The following CDKN2B-AS1 variants were observed in gnomAD, a reference collection of about 807,000 sequenced individuals.
CDKN2B-AS1 encodes CDKN2B and CDKN2A antisense cis and trans regulatory RNA 1.
intron 1 of CDKN2B-AS1, chr9:22,029,512 A>T (rs1400036984): frequency 1.3e-6 from 1 of 779,580 alleles, no homozygotes; most frequent in Non-Finnish European, 2.4e-6. Context: ...AGCTCCTCTC[A>T]TCTGATCTCC....
chr9:22,124,709 A>G (rs1380452489), intron 4 of CDKN2B-AS1, among the ~76,000 whole-genome samples: 1 of 152,204 alleles, frequency 6.6e-6, no homozygotes, highest in Admixed American at 6.5e-5. Context: ...GCTACTTGGG[A>G]ACAGCGTGGA....
At chr9:22,012,209 C>T in intron 1 of CDKN2B-AS1, 4 of 1,403,346 alleles carry the variant, frequency 2.9e-6, no homozygotes, top group Non-Finnish European at 4.0e-6. Flanking sequence ...TGAGGTCGAG[C>T]CCAGTGACAC....
intron 3 of CDKN2B-AS1, among the ~76,000 whole-genome samples, chr9:22,056,022 T>C (rs1220785869): frequency 6.6e-6 from 1 of 151,214 alleles, no homozygotes; most frequent in African/African-American, 2.4e-5. Flanking sequence ...TCTTGATGGG[T>C]CTTGAAGGTT....
chr9:22,081,007 C>T (rs371308145), intron 4 of CDKN2B-AS1, among the ~76,000 whole-genome samples: 3 of 152,126 alleles, frequency 2.0e-5, no homozygotes, highest in African/African-American at 4.8e-5. Context: ...ATCTCCACTC[C>T]GACTACCTAG....
intron 1 of CDKN2B-AS1, among the ~76,000 whole-genome samples, chr9:22,026,568 A>C (rs1006608975): frequency 2.0e-5 from 3 of 152,174 alleles, no homozygotes; most frequent in Non-Finnish European, 2.9e-5. Flanking sequence ...CTGGAATTCC[A>C]AGCCAGTGGG....
At chr9:22,044,864 C>T (rs1212872105) in intron 1 of CDKN2B-AS1, among the ~76,000 whole-genome samples, 1 of 152,002 alleles carries the variant, frequency 6.6e-6, no homozygotes, top group African/African-American at 2.4e-5. Context: ...ATATGTTTCA[C>T]TAGGATGCTG....
rs554336812 is a variant in CDKN2B-AS1, at chr9:22,009,832, T to G, written n.29+14671T>G. Among the ~76,000 whole-genome samples the G allele has an allele frequency of 1.4e-4, 21 of 152,356 alleles. No individual in the cohort carries two copies. The East Asian group carries it at 3.9e-3, about 28-fold the overall frequency. On this transcript the variant is annotated intron_variant and non_coding_transcript_variant, in intron 1 of 4. Transcript: ENST00000650946. Reference sequence around the variant, plus strand: ...CAATTTTCTCTTGGATGTGTCTTTCTGTTTGAATTAGTCAACCATAAAAAT... The same window carrying G: ...CAATTTTCTCTTGGATGTGTCTTTCGGTTTGAATTAGTCAACCATAAAAAT...
intron 4 of CDKN2B-AS1, among the ~76,000 whole-genome samples, chr9:22,108,778 G>A (rs1825726960): frequency 6.6e-6 from 1 of 152,058 alleles, no homozygotes; most frequent in Admixed American, 6.6e-5. Flanking sequence ...TAACTGATGA[G>A]GTCATACTTT....
At chr9:22,117,421 C>T (rs920965530) in intron 4 of CDKN2B-AS1, among the ~76,000 whole-genome samples, 1 of 152,054 alleles carries the variant, frequency 6.6e-6, no homozygotes, top group Non-Finnish European at 1.5e-5. Flanking sequence ...GGAATCTTAA[C>T]CTGAAATTGA....
intron 4 of CDKN2B-AS1, among the ~76,000 whole-genome samples, chr9:22,104,807 A>G (rs1373760746): frequency 6.6e-6 from 1 of 152,236 alleles, no homozygotes; most frequent in Non-Finnish European, 1.5e-5. Context: ...GAGAAAATGG[A>G]AGAATAAATA....
chr9:22,118,968 G>A (rs1283240796), intron 4 of CDKN2B-AS1: 1 of 152,202 alleles, frequency 6.6e-6, no homozygotes, highest in South Asian at 2.1e-4. Flanking sequence ...TCTGACCATT[G>A]TACTTAGGCA....
chr9:22,092,589 A>T (rs1000962526), intron 4 of CDKN2B-AS1: 5 of 152,198 alleles, frequency 3.3e-5, no homozygotes, highest in Non-Finnish European at 7.3e-5. Context: ...CATTTCTTCT[A>T]GATTTTCTAG....
chr9:22,005,350 T>C lies in CDKN2B-AS1; in HGVS notation n.29+10189T>C, dbSNP rs1821119397. ...TGCACATCCTCTCTTACCCCTCTGCTATCTGGTGGAGTTGGGCGAGGGTCT... is the reference window on the plus strand; with the variant it reads ...TGCACATCCTCTCTTACCCCTCTGCCATCTGGTGGAGTTGGGCGAGGGTCT... On this transcript the variant is annotated intron_variant and non_coding_transcript_variant, in intron 1 of 4. Coordinates refer to ENST00000650946, the Ensembl canonical transcript of CDKN2B-AS1. This position sits in a 1 kb window ranked among gnomAD's most constrained non-coding sequence, Gnocchi z 4.9. 1 of 242,518 alleles carries C rather than the reference T, an allele frequency of 4.1e-6. No homozygotes were observed. Among genetic ancestry groups the C allele is most frequent in the Non-Finnish European group, 8.1e-6 (1 of 123,564 alleles). The allele number at this position is 242,518 out of a possible 1,614,324, so 15.0% of individuals were successfully genotyped here.
At chr9:22,090,373 T>C (rs1825035367) in intron 4 of CDKN2B-AS1, among the ~76,000 whole-genome samples, 1 of 152,190 alleles carries the variant, frequency 6.6e-6, no homozygotes, top group Admixed American at 6.5e-5. Context: ...AAATGGTATT[T>C]CTAGTTCTAG....
At chr9:22,125,268 G>C (rs981796779) in intron 4 of CDKN2B-AS1, among the ~76,000 whole-genome samples, 1 of 152,184 alleles carries the variant, frequency 6.6e-6, no homozygotes, top group East Asian at 1.9e-4. Flanking sequence ...GATCATACCC[G>C]AAGTAGAGCT....
At chr9:22,082,780 G>A (rs777892885) in intron 4 of CDKN2B-AS1, among the ~76,000 whole-genome samples, 6 of 152,166 alleles carry the variant, frequency 3.9e-5, no homozygotes, top group Non-Finnish European at 7.3e-5. Context: ...TAGCTTGCTG[G>A]TAGTTAGGTA....
chr9:22,078,269 T>C (rs1824571437), intron 4 of CDKN2B-AS1, among the ~76,000 whole-genome samples: 1 of 152,212 alleles, frequency 6.6e-6, no homozygotes, highest in Non-Finnish European at 1.5e-5. Flanking sequence ...CTTTCAATTT[T>C]TTTTTTTCAG....
intron 4 of CDKN2B-AS1, among the ~76,000 whole-genome samples, chr9:22,064,955 G>A (rs1309430218): frequency 1.3e-5 from 2 of 152,094 alleles, no homozygotes. Context: ...TCTAAATTAC[G>A]ATATATATGC....
intron 1 of CDKN2B-AS1, among the ~76,000 whole-genome samples, chr9:22,036,317 A>G (rs1316181620): frequency 6.6e-6 from 1 of 152,152 alleles, no homozygotes; most frequent in African/African-American, 2.4e-5. Flanking sequence ...CTTAGGACCA[A>G]TAGTATAAGT....
Sources: allele counts gnomAD v4.1 joint callset (sites outside exome capture counted in the v4.1 genomes callset), GRCh38; gene constraint gnomAD v4.1.1; non-coding constraint Gnocchi (gnomAD v3.1); transcripts MANE v1.5; gene names NCBI Gene and HGNC (gene_info 2026-07-23, HGNC 2026-07-21).